SIL1: variants seen among roughly 807,000 people sequenced by gnomAD.
The protein encoded by SIL1 is nucleotide exchange factor SIL1.
In SIL1, 40 loss-of-function variants were observed where a neutral mutation model predicts 49.1. The ratio of observed to expected loss-of-function variants is 0.81; its 90% confidence interval spans 0.63 to 1.06. The LOEUF is 1.06. Among genes scored for constraint, SIL1 ranks in the 50% least tolerant of loss-of-function variants. The probability of loss-of-function intolerance (pLI) is 0.00; values close to 1 mark genes in which losing one functional copy is unlikely to be tolerated. For synonymous variants in SIL1, 253 were observed against 250.8 expected (o/e 1.01, Z -0.08); for missense variants, 500 against 572.6 (o/e 0.87, Z 1.29).
intron 3 of SIL1, among the ~76,000 whole-genome samples, chr5:139,073,769 A>G (rs1374104269): frequency 6.6e-6 from 1 of 152,024 alleles, no homozygotes; most frequent in Non-Finnish European, 1.5e-5. Context: ...TGGTAAAAAT[A>G]CAAAAAATTC....
chr5:139,094,203 AC>A (rs1382825570), intron 3 of SIL1, among the ~76,000 whole-genome samples: 1 of 152,222 alleles, frequency 6.6e-6, no homozygotes, highest in African/African-American at 2.4e-5. Flanking sequence ...GGAATGGGAA[AC>A]CACTGGAAAT....
intron 1 of SIL1, among the ~76,000 whole-genome samples, chr5:139,144,739 C>T (rs1198035438): frequency 2.0e-5 from 3 of 151,960 alleles, no homozygotes; most frequent in Admixed American, 6.6e-5. Flanking sequence ...GGCGTGGTGG[C>T]GGGCACCTTT....
chr5:139,151,823 T>G (rs1045386613), intron 1 of SIL1, among the ~76,000 whole-genome samples: 2 of 152,204 alleles, frequency 1.3e-5, no homozygotes, highest in Admixed American at 1.3e-4. Context: ...AAAAAAACTT[T>G]CAAAAGAGAA....
intron 7 of SIL1, among the ~76,000 whole-genome samples, chr5:138,967,301 A>G (rs1016197562): frequency 2.6e-5 from 4 of 152,200 alleles, no homozygotes; most frequent in African/African-American, 9.7e-5. Context: ...CGAAATCAGA[A>G]CCATTAGGGG....
chr5:139,035,449 T>C, intron 5 of SIL1: 1 of 539,514 alleles, frequency 1.9e-6, no homozygotes, highest in Non-Finnish European at 3.7e-6. Flanking sequence ...GCCTGTCTGT[T>C]CTGAATGGCC....
chr5:139,147,893 G>A (rs1269803961), intron 1 of SIL1, among the ~76,000 whole-genome samples: 7 of 152,130 alleles, frequency 4.6e-5, no homozygotes, highest in Admixed American at 1.3e-4. Context: ...CTGGGGAGCC[G>A]TTCCCAGGCC....
chr5:139,027,964 C>A (rs1219288289), intron 5 of SIL1, among the ~76,000 whole-genome samples: 2 of 152,118 alleles, frequency 1.3e-5, no homozygotes, highest in African/African-American at 2.4e-5. Flanking sequence ...AAGCTCCTAG[C>A]GGAGCAATCA....
intron 7 of SIL1, among the ~76,000 whole-genome samples, chr5:139,018,973 G>A (rs930128705): frequency 4.6e-5 from 7 of 152,180 alleles, no homozygotes; most frequent in Non-Finnish European, 1.0e-4. Context: ...ATTGACTGTA[G>A]GTCCAGTGGT....
intron 8 of SIL1, among the ~76,000 whole-genome samples, chr5:138,951,538 G>A (rs1022438136): frequency 6.6e-6 from 1 of 152,238 alleles, no homozygotes; most frequent in Non-Finnish European, 1.5e-5. Context: ...TAAATGGGAG[G>A]TAAACAGAGG....
chr5:139,101,809 C>CA (rs977877422), intron 3 of SIL1, among the ~76,000 whole-genome samples: 4 of 152,106 alleles, frequency 2.6e-5, no homozygotes, highest in Admixed American at 2.6e-4. Flanking sequence ...GATCTTGGCA[C>CA]AAAACAATGA....
chr5:139,140,853 T>C (rs745892687), intron 1 of SIL1, among the ~76,000 whole-genome samples: 1 of 152,214 alleles, frequency 6.6e-6, no homozygotes, highest in Non-Finnish European at 1.5e-5. Flanking sequence ...TTTAGTTCTG[T>C]CATGACCACA....
rs185719152 is a variant in SIL1, at chr5:139,037,197, A to C, written c.453+5423T>G. Among the ~76,000 whole-genome samples the C allele has an allele frequency of 2.3e-3, 353 of 152,104 alleles. 2 individuals carry two copies. Among genetic ancestry groups the C allele is most frequent in the Non-Finnish European group, 3.9e-3 (267 of 67,922 alleles). On this transcript the variant is annotated intron_variant, in intron 5 of 9. Transcript: ENST00000394817. ...CTCTATGGTTTCAGATAAAAAATTC[A>C]ATATCGCTCAATCATTGTTCCCCTA...
intron 7 of SIL1, among the ~76,000 whole-genome samples, chr5:138,963,546 T>C (rs1767069868): frequency 6.6e-6 from 1 of 152,220 alleles, no homozygotes; most frequent in South Asian, 2.1e-4. Flanking sequence ...ATACTTCGTT[T>C]ACAGGATTTG....
intron 2 of SIL1, among the ~76,000 whole-genome samples, chr5:139,127,161 C>G (rs1468506546): frequency 6.6e-6 from 1 of 152,120 alleles, no homozygotes; most frequent in African/African-American, 2.4e-5. Context: ...CCAGAAAGAA[C>G]AGGGAGCTAC....
chr5:139,104,035 C>T (rs1225705712), intron 3 of SIL1, among the ~76,000 whole-genome samples: 1 of 152,226 alleles, frequency 6.6e-6, no homozygotes, highest in African/African-American at 2.4e-5. Context: ...AGGGTTCCTA[C>T]AACAAGTGCT....
At chr5:139,000,893 G>GATTATAT (rs1262781487) in intron 7 of SIL1, among the ~76,000 whole-genome samples, 1 of 151,324 alleles carries the variant, frequency 6.6e-6, no homozygotes, top group African/African-American at 2.4e-5. Flanking sequence ...TAATTACCCA[G>GATTATAT]ATTATATATA....
At chr5:138,951,106 T>C in intron 9 of SIL1, 65 bp downstream of exon 9, 1 of 1,558,754 alleles carries the variant, frequency 6.4e-7, no homozygotes, top group Non-Finnish European at 8.8e-7. Flanking sequence ...TCCATCTGTC[T>C]GTCCATCCAC....
intron 1 of SIL1, among the ~76,000 whole-genome samples, chr5:139,143,342 C>CATATATAT (rs1254298733): frequency 3.3e-3 from 295 of 90,562 alleles, no homozygotes; most frequent in African/African-American, 8.2e-3. Context: ...CACACACACA[C>CATATATAT]ACATATATAT....
At position 139,044,404 on chromosome 5, in the gene SIL1, G is replaced by A. The variant is rs562433799; in HGVS notation, c.354-1685C>T. Among the ~76,000 whole-genome samples the A allele has an allele frequency of 1.6e-4, 25 of 152,056 alleles. 1 individual carries two copies. Among genetic ancestry groups the A allele is most frequent in the African/African-American group, 3.9e-4 (16 of 41,464 alleles). On this transcript the variant is annotated intron_variant, in intron 4 of 9. Coordinates refer to ENST00000394817, the MANE Select transcript of SIL1 (RefSeq NM_022464.5). ...CATTATTCCGTGCATCTCTGTTTAC[G>A]CCTTAAGTCTCAACTCTCCCAAGCC...
Sources: gnomAD v4.1 joint callset for allele counts (sites outside exome capture counted in the v4.1 genomes callset) on GRCh38, gnomAD v4.1.1 for gene constraint, MANE v1.5 for transcripts, NCBI Gene and HGNC (gene_info 2026-07-23, HGNC 2026-07-21) for gene names.